CSF2RB: variants seen among roughly 807,000 people sequenced by gnomAD.
The protein encoded by CSF2RB is cytokine receptor common subunit beta.
Under a neutral mutation model 67.2 loss-of-function variants are expected in CSF2RB, and 22 were observed. The ratio of observed to expected loss-of-function variants is 0.33; its 90% confidence interval spans 0.23 to 0.47. The LOEUF (loss-of-function observed/expected upper bound fraction) is 0.47, where lower values mean the gene tolerates loss of function less well. Among genes scored for constraint, CSF2RB ranks in the 20% least tolerant of loss-of-function variants. The pLI is 1.00. For missense variants in CSF2RB, 1,113 were observed against 1,174.5 expected, an observed-to-expected ratio of 0.95 and a Z score of 0.76; for synonymous variants, 507 against 482.9, an observed-to-expected ratio of 1.05 and a Z score of -0.65.
At chr22:36,926,706 C>T (rs1445934089) in intron 4 of CSF2RB, among the ~76,000 whole-genome samples, 1 of 152,222 alleles carries the variant, frequency 6.6e-6, no homozygotes, top group Non-Finnish European at 1.5e-5. Flanking sequence ...CACAGTGGTC[C>T]ATGAAGCCAT....
In CSF2RB at chr22:36,935,628, A is replaced by G; in HGVS notation, c.1407-2A>G. 1 of 1,614,198 alleles carries G rather than the reference A, an allele frequency of 6.2e-7. No individual in the cohort carries two copies. Among genetic ancestry groups the G allele is most frequent in the Non-Finnish European group, 8.5e-7 (1 of 1,180,036 alleles). Reference sequence around the variant, plus strand: ...GGCTGTCACCTCCGTGGTGTCTTCCAGGCTGCGCAGAAAGTGGGAGGAGAA... The same window carrying G: ...GGCTGTCACCTCCGTGGTGTCTTCCGGGCTGCGCAGAAAGTGGGAGGAGAA... On this transcript the variant is annotated splice_acceptor_variant, in intron 11 of 13. Transcript: ENST00000403662. LOFTEE classifies it high-confidence loss of function.
intron 9 of CSF2RB, among the ~76,000 whole-genome samples, 188 bp from the exon 10 acceptor site, chr22:36,933,644 G>A (rs1207607360): frequency 6.6e-5 from 10 of 152,198 alleles, no homozygotes; most frequent in Non-Finnish European, 1.2e-4. Flanking sequence ...TGGAGTCCCC[G>A]GTGCCATCCG....
In CSF2RB at chr22:36,925,982, A is replaced by G. The variant is rs772405129; in HGVS notation, c.201-5A>G. ...CCTGGGCTAAGCCGTGTCCTCTCCC[A>G]ACAGGGACCTCCTGGAGCCAGTGTC... On this transcript the variant is annotated splice_region_variant and splice_polypyrimidine_tract_variant and intron_variant, in intron 3 of 13. Coordinates refer to ENST00000403662, the MANE Select transcript of CSF2RB (RefSeq NM_000395.3). 1 of 1,614,112 alleles carries G rather than the reference A, an allele frequency of 6.2e-7. No individual in the cohort carries two copies.
At chr22:36,929,021 G>C (rs1941085948) in intron 4 of CSF2RB, among the ~76,000 whole-genome samples, 1 of 152,200 alleles carries the variant, frequency 6.6e-6, no homozygotes. Flanking sequence ...CAGGAGGAAG[G>C]GAGCTTGGAC....
chr22:36,914,228 G>A (rs894718849), intron 1 of CSF2RB, among the ~76,000 whole-genome samples: 2 of 152,102 alleles, frequency 1.3e-5, no homozygotes, highest in Non-Finnish European at 2.9e-5. Flanking sequence ...GCGGATGTCT[G>A]GGGATGCAGG....
chr22:36,917,271 A>G (rs1357261616), intron 1 of CSF2RB, among the ~76,000 whole-genome samples: 3 of 152,112 alleles, frequency 2.0e-5, no homozygotes, highest in African/African-American at 7.2e-5. Context: ...AGTACCCTCT[A>G]CTTGGCCATG....
Position 36,922,149 on chromosome 22 carries a change from A to T in CSF2RB, c.-59A>T, listed in dbSNP as rs1208068901. 26 of 1,475,124 alleles carry T rather than the reference A, an allele frequency of 1.8e-5. No homozygotes were observed. Among genetic ancestry groups the T allele is most frequent in the Middle Eastern group, 4.6e-4 (2 of 4,368 alleles). The allele number at this position is 1,475,124 out of a possible 1,614,324, so 91.4% of individuals were successfully genotyped here. A position where few individuals can be genotyped will look rare whatever the true frequency, so the allele number is the denominator to read the frequency against. ...ACTTCAGGACACTAAGGACCCTGTC[A>T]TGCCCATGGCCAGCACCCACCAGTG... On this transcript the variant is annotated 5_prime_UTR_variant, in exon 2 of 14. The change abolishes an upstream ATG in the 5' untranslated region. Coordinates refer to ENST00000403662, the MANE Select transcript of CSF2RB (RefSeq NM_000395.3).
At chr22:36,919,011 CT>C (rs1185453497) in intron 1 of CSF2RB, among the ~76,000 whole-genome samples, 4 of 152,278 alleles carry the variant, frequency 2.6e-5, no homozygotes, top group Admixed American at 2.6e-4. Flanking sequence ...ATTGAGCAGC[CT>C]TTTTTGGAAG....
chr22:36,934,643 C>T lies in CSF2RB; in HGVS notation c.1315+649C>T, dbSNP rs1369660397. ...ATTCCTTCATCTTCCCACCTCCCTGCACTTGCTGCGTGCACTGACCCCTCA... is the reference window on the plus strand; with the variant it reads ...ATTCCTTCATCTTCCCACCTCCCTGTACTTGCTGCGTGCACTGACCCCTCA... On this transcript the variant is annotated intron_variant, in intron 10 of 13. Coordinates refer to ENST00000403662, the MANE Select transcript of CSF2RB (RefSeq NM_000395.3). Among the ~76,000 whole-genome samples the T allele has an allele frequency of 2.0e-5, 3 of 152,124 alleles. No homozygotes were observed. The South Asian group carries it at 6.2e-4, about 32-fold the overall frequency.
intron 1 of CSF2RB, among the ~76,000 whole-genome samples, chr22:36,919,935 C>T (rs1294998030): frequency 1.3e-5 from 2 of 152,176 alleles, no homozygotes; most frequent in African/African-American, 4.8e-5. Context: ...GCTGTTTTGA[C>T]ATTTGGGAAA....
intron 6 of CSF2RB, 119 bp from the exon 7 acceptor site, chr22:36,930,256 C>A: frequency 4.9e-6 from 7 of 1,432,460 alleles, no homozygotes; most frequent in Non-Finnish European, 5.9e-6. Flanking sequence ...GAAGTTTCAG[C>A]CCTGGTCTTT....
intron 1 of CSF2RB, among the ~76,000 whole-genome samples, chr22:36,918,354 C>T (rs2145769836): frequency 6.6e-6 from 1 of 152,296 alleles, no homozygotes. Flanking sequence ...ATTTAAAGTT[C>T]AGAGTCTCTT....
intron 8 of CSF2RB, among the ~76,000 whole-genome samples, chr22:36,931,366 G>A (rs1941144530): frequency 1.3e-5 from 2 of 152,202 alleles, no homozygotes; most frequent in Non-Finnish European, 2.9e-5. Context: ...CTTCCATCCA[G>A]TCTTTAGCAT....
At chr22:36,923,493 G>A in intron 3 of CSF2RB, 126 bp downstream of exon 3, 1 of 1,395,542 alleles carries the variant, frequency 7.2e-7, no homozygotes, top group African/African-American at 1.4e-5. Context: ...AGAGGACAGA[G>A]GAGGAGGGAG....
chr22:36,923,205 C>A (rs1940920961), intron 2 of CSF2RB, 39 bp from the exon 3 acceptor site: 2 of 1,613,854 alleles, frequency 1.2e-6, no homozygotes, highest in Admixed American at 1.7e-5. Context: ...AGGGTCCCTG[C>A]AGGAAAGAGA....
chr22:36,920,124 A>G (rs915820709), intron 1 of CSF2RB, among the ~76,000 whole-genome samples: 1 of 152,220 alleles, frequency 6.6e-6, no homozygotes, highest in Admixed American at 6.5e-5. Context: ...AGATGTATTC[A>G]TATCCGTAAA....
intron 7 of CSF2RB, 38 bp downstream of exon 7, chr22:36,930,548 G>C (rs1308950631): frequency 6.2e-7 from 1 of 1,612,084 alleles, no homozygotes; most frequent in Admixed American, 1.7e-5. Context: ...CCCTCCTCTT[G>C]GCCTTGCTCT....
chr22:36,925,975 C>A lies in CSF2RB; in HGVS notation c.201-12C>A. 1 of 1,614,182 alleles carries A rather than the reference C, an allele frequency of 6.2e-7. No individual in the cohort carries two copies. Among genetic ancestry groups the A allele is most frequent in the Non-Finnish European group, 8.5e-7 (1 of 1,180,026 alleles). ...CATACACCCTGGGCTAAGCCGTGTC[C>A]TCTCCCAACAGGGACCTCCTGGAGC... On this transcript the variant is annotated splice_polypyrimidine_tract_variant and intron_variant, in intron 3 of 13. Coordinates refer to ENST00000403662, the MANE Select transcript of CSF2RB (RefSeq NM_000395.3).
intron 1 of CSF2RB, among the ~76,000 whole-genome samples, chr22:36,921,160 T>C (rs1196632169): frequency 1.3e-5 from 2 of 151,856 alleles, no homozygotes; most frequent in Non-Finnish European, 2.9e-5. Flanking sequence ...TGTGTGTGCA[T>C]GTTTGTGTGT....
Sources: allele counts gnomAD v4.1 joint callset (sites outside exome capture counted in the v4.1 genomes callset), GRCh38; gene constraint gnomAD v4.1.1; transcripts MANE v1.5; gene names NCBI Gene and HGNC (gene_info 2026-07-23, HGNC 2026-07-21).